KCNT2: variants seen among roughly 807,000 people sequenced by gnomAD.
The protein encoded by KCNT2 is potassium channel subfamily T member 2.
Under a neutral mutation model 153.8 loss-of-function variants are expected in KCNT2, and 67 were observed. The ratio of observed to expected loss-of-function variants is 0.44; its 90% CI spans 0.36 to 0.53. KCNT2 has a LOEUF of 0.53. KCNT2 is among the 20% of genes least tolerant of loss of function. The probability of loss-of-function intolerance (pLI) is 0.00; values close to 1 mark genes in which losing one functional copy is unlikely to be tolerated. For synonymous variants in KCNT2, 500 were observed against 458.8 expected, an observed-to-expected ratio of 1.09 and a Z score of -1.15; for missense variants, 975 against 1,354.8, an observed-to-expected ratio of 0.72 and a Z score of 4.40.
chr1:196,570,599 C>T (rs1027994440), intron 1 of KCNT2, among the ~76,000 whole-genome samples: 1 of 152,038 alleles, frequency 6.6e-6, no homozygotes, highest in African/African-American at 2.4e-5. Flanking sequence ...ATACTTTATA[C>T]ATGTTATAAA....
At chr1:196,488,567 T>G (rs2148723365) in intron 3 of KCNT2, among the ~76,000 whole-genome samples, 1 of 152,170 alleles carries the variant, frequency 6.6e-6, no homozygotes, top group South Asian at 2.1e-4. Flanking sequence ...ATGCTTCATT[T>G]TATGATTTTC....
chr1:196,418,384 G>A (rs1672921191), intron 12 of KCNT2, among the ~76,000 whole-genome samples: 1 of 152,062 alleles, frequency 6.6e-6, no homozygotes, highest in South Asian at 2.1e-4. Context: ...AGCCAGGCAT[G>A]GTACCCAGAA....
chr1:196,396,799 T>C (rs988229966), intron 13 of KCNT2, among the ~76,000 whole-genome samples: 1 of 151,394 alleles, frequency 6.6e-6, no homozygotes, highest in African/African-American at 2.4e-5. Context: ...AATGACAAAA[T>C]GAGAATCAGA....
At chr1:196,461,387 A>G (rs1480991277) in intron 8 of KCNT2, among the ~76,000 whole-genome samples, 1 of 151,768 alleles carries the variant, frequency 6.6e-6, no homozygotes, top group Non-Finnish European at 1.5e-5. Context: ...ACAGGAAATT[A>G]TAACATTGAA....
At chr1:196,581,041 C>T (rs1661976702) in intron 1 of KCNT2, among the ~76,000 whole-genome samples, 1 of 152,028 alleles carries the variant, frequency 6.6e-6, no homozygotes, top group Non-Finnish European at 1.5e-5. Context: ...AAGAAATCAT[C>T]TTGACTATAG....
chr1:196,369,853 G>T (rs2148316822), intron 14 of KCNT2, among the ~76,000 whole-genome samples: 1 of 152,174 alleles, frequency 6.6e-6, no homozygotes, highest in South Asian at 2.1e-4. Flanking sequence ...TAATGGGATG[G>T]CTGGGTCAAA....
intron 1 of KCNT2, among the ~76,000 whole-genome samples, chr1:196,589,658 T>C (rs1171428241): frequency 6.6e-6 from 1 of 152,138 alleles, no homozygotes; most frequent in Non-Finnish European, 1.5e-5. Flanking sequence ...TTGTGACATT[T>C]ATTCATTAAC....
intron 12 of KCNT2, among the ~76,000 whole-genome samples, chr1:196,418,882 C>T (rs183427710): frequency 1.3e-5 from 2 of 152,218 alleles, no homozygotes; most frequent in African/African-American, 2.4e-5. Context: ...CTTCTCAATA[C>T]ACTCAACCAC....
At chr1:196,551,444 C>A (rs749473554) in intron 1 of KCNT2, among the ~76,000 whole-genome samples, 2 of 151,544 alleles carry the variant, frequency 1.3e-5, no homozygotes, top group Non-Finnish European at 3.0e-5. Context: ...AAGAGAAATA[C>A]CAAAATAAAC....
At chr1:196,310,184 C>T (rs1431030882) in intron 21 of KCNT2, among the ~76,000 whole-genome samples, 3 of 151,722 alleles carry the variant, frequency 2.0e-5, no homozygotes, top group African/African-American at 4.8e-5. Context: ...ACCTACTGAG[C>T]TATATATTAC....
intron 1 of KCNT2, among the ~76,000 whole-genome samples, chr1:196,552,800 GT>G (rs892953301): frequency 6.6e-6 from 1 of 151,148 alleles, no homozygotes; most frequent in South Asian, 2.1e-4. Context: ...GTTTTTAATA[GT>G]TTTTTTCATG....
At chr1:196,536,735 C>T (rs1363788275) in intron 1 of KCNT2, among the ~76,000 whole-genome samples, 1 of 152,154 alleles carries the variant, frequency 6.6e-6, no homozygotes, top group Non-Finnish European at 1.5e-5. Context: ...GTAAGTCATC[C>T]ATACGACAAC....
intron 13 of KCNT2, among the ~76,000 whole-genome samples, chr1:196,392,175 A>T (rs966762590): frequency 1.3e-5 from 2 of 151,340 alleles, no homozygotes; most frequent in Admixed American, 1.3e-4. Flanking sequence ...TTGAATGTAG[A>T]TGGAGAGAAT....
intron 10 of KCNT2, among the ~76,000 whole-genome samples, chr1:196,426,575 T>A (rs1162212859): frequency 6.6e-6 from 1 of 151,964 alleles, no homozygotes; most frequent in Non-Finnish European, 1.5e-5. Flanking sequence ...TACATCTGAG[T>A]GGTGAAACAG....
chr1:196,272,150 C>G (rs1457732924), intron 25 of KCNT2, among the ~76,000 whole-genome samples: 1 of 151,856 alleles, frequency 6.6e-6, no homozygotes, highest in East Asian at 1.9e-4. Flanking sequence ...GTTCCAAGCC[C>G]AGTGCTAATT....
intron 18 of KCNT2, among the ~76,000 whole-genome samples, chr1:196,329,669 G>C (rs1328482819): frequency 6.6e-6 from 1 of 150,508 alleles, no homozygotes; most frequent in Non-Finnish European, 1.5e-5. Context: ...TCAATGTGGG[G>C]GAAGGGCCTT....
chr1:196,536,785 A>C (rs537951337), intron 1 of KCNT2, among the ~76,000 whole-genome samples: 1 of 152,266 alleles, frequency 6.6e-6, no homozygotes, highest in South Asian at 2.1e-4. Context: ...CCTGAAGGGC[A>C]GCATATGCAG....
At chr1:196,383,826 A>C (rs962727152) in intron 13 of KCNT2, among the ~76,000 whole-genome samples, 13 of 152,194 alleles carry the variant, frequency 8.5e-5, no homozygotes, top group Admixed American at 6.5e-4. Context: ...GCTTGATTTA[A>C]AGAATCATTG....
At chr1:196,559,961 T>C (rs960691023) in intron 1 of KCNT2, among the ~76,000 whole-genome samples, 12 of 152,010 alleles carry the variant, frequency 7.9e-5, no homozygotes, top group Admixed American at 2.0e-4. Context: ...TTCAGTCTTA[T>C]TTGTAATCTT....
Sources: allele counts gnomAD v4.1 joint callset (sites outside exome capture counted in the v4.1 genomes callset), GRCh38; gene constraint gnomAD v4.1.1; transcripts MANE v1.5; gene names NCBI Gene and HGNC (gene_info 2026-07-23, HGNC 2026-07-21).